SPAG16: variants seen among roughly 807,000 people sequenced by gnomAD.
SPAG16 encodes sperm-associated antigen 16 protein.
Under a neutral mutation model 80.4 loss-of-function variants are expected in SPAG16, and 86 were observed. The ratio of observed to expected loss-of-function variants is 1.07; its 90% CI spans 0.90 to 1.28. The LOEUF (loss-of-function observed/expected upper bound fraction) is 1.28, where lower values mean the gene tolerates loss of function less well. Ranked by LOEUF, SPAG16 falls within the 50% of genes most tolerant of loss-of-function variation. The pLI is 0.00. For missense variants in SPAG16, 870 were observed against 765.3 expected (o/e 1.14, Z -1.61); for synonymous variants, 294 against 265.9 (o/e 1.11, Z -1.03).
chr2:213,789,658 G>A (rs2070565821), intron 10 of SPAG16, among the ~76,000 whole-genome samples: 1 of 151,774 alleles, frequency 6.6e-6, no homozygotes, highest in South Asian at 2.1e-4. Context: ...ACGATGTAAT[G>A]GTTATTTTTG....
At chr2:214,043,957 C>G (rs1046504588) in intron 13 of SPAG16, among the ~76,000 whole-genome samples, 7 of 152,020 alleles carry the variant, frequency 4.6e-5, no homozygotes, top group Admixed American at 6.6e-5. Context: ...AGTTCTATAT[C>G]TATATACTGC....
At chr2:213,709,904 A>G (rs1243210817) in intron 10 of SPAG16, among the ~76,000 whole-genome samples, 1 of 152,170 alleles carries the variant, frequency 6.6e-6, no homozygotes, top group Non-Finnish European at 1.5e-5. Flanking sequence ...TTTTTAAAGA[A>G]AGTTTATTAT....
intron 13 of SPAG16, among the ~76,000 whole-genome samples, chr2:214,076,328 A>T (rs1270897152): frequency 6.6e-6 from 1 of 152,214 alleles, no homozygotes; most frequent in African/African-American, 2.4e-5. Flanking sequence ...GAAAGAAGGT[A>T]TCTAGGGATT....
At chr2:213,722,695 C>G (rs1447715074) in intron 10 of SPAG16, among the ~76,000 whole-genome samples, 19 of 152,170 alleles carry the variant, frequency 1.2e-4, no homozygotes, top group Non-Finnish European at 7.4e-5. Flanking sequence ...AAGTAAGATA[C>G]AAGACAGATA....
At chr2:214,259,530 GC>G (rs1159005290) in intron 15 of SPAG16, among the ~76,000 whole-genome samples, 4 of 107,516 alleles carry the variant, frequency 3.7e-5, no homozygotes, top group Non-Finnish European at 3.6e-5. Flanking sequence ...ATTGTCACCT[GC>G]CCCCCTCACC....
intron 12 of SPAG16, among the ~76,000 whole-genome samples, chr2:213,996,060 C>G (rs1462367896): frequency 2.0e-5 from 3 of 152,172 alleles, no homozygotes; most frequent in Non-Finnish European, 4.4e-5. Flanking sequence ...ACTTCTGACT[C>G]CAGGTAGTTT....
intron 7 of SPAG16, among the ~76,000 whole-genome samples, chr2:213,354,915 G>A (rs2065544167): frequency 6.6e-6 from 1 of 152,140 alleles, no homozygotes; most frequent in Non-Finnish European, 1.5e-5. Flanking sequence ...TGCTTTTGGT[G>A]TTTTAGTCAC....
At chr2:213,677,186 A>C (rs576922492) in intron 10 of SPAG16, among the ~76,000 whole-genome samples, 40 of 152,322 alleles carry the variant, frequency 2.6e-4, no homozygotes, top group South Asian at 6.2e-4. Context: ...GAGACCATCG[A>C]GACTAGGAAG....
At chr2:214,135,833 C>G (rs1318894998) in intron 14 of SPAG16, among the ~76,000 whole-genome samples, 3 of 152,122 alleles carry the variant, frequency 2.0e-5, no homozygotes, top group East Asian at 3.9e-4. Context: ...CAGCCTGAAG[C>G]CCTCACCAGA....
intron 12 of SPAG16, among the ~76,000 whole-genome samples, chr2:213,940,478 G>A (rs569281336): frequency 1.3e-5 from 2 of 151,974 alleles, no homozygotes; most frequent in African/African-American, 4.8e-5. Flanking sequence ...TTATTTTTTA[G>A]GAATAGCGTT....
At chr2:213,716,295 A>G (rs956674002) in intron 10 of SPAG16, among the ~76,000 whole-genome samples, 2 of 152,190 alleles carry the variant, frequency 1.3e-5, no homozygotes, top group Non-Finnish European at 2.9e-5. Context: ...CAGCTCCATC[A>G]CAGCATAGCT....
intron 9 of SPAG16, among the ~76,000 whole-genome samples, chr2:213,486,090 C>G (rs1353993277): frequency 6.6e-6 from 1 of 152,112 alleles, no homozygotes; most frequent in African/African-American, 2.4e-5. Flanking sequence ...GAATTATTCT[C>G]TTCTAGCTAT....
At chr2:213,833,995 G>A (rs1302699216) in intron 10 of SPAG16, among the ~76,000 whole-genome samples, 1 of 152,072 alleles carries the variant, frequency 6.6e-6, no homozygotes, top group Non-Finnish European at 1.5e-5. Context: ...GGCCCAGGGA[G>A]AGGAAATCGA....
intron 12 of SPAG16, among the ~76,000 whole-genome samples, chr2:213,944,674 G>A (rs1257777535): frequency 6.6e-6 from 1 of 152,088 alleles, no homozygotes; most frequent in Non-Finnish European, 1.5e-5. Context: ...ATGAATTGTG[G>A]GGGGCTGGGA....
At chr2:213,989,436 C>T (rs1575747416) in intron 12 of SPAG16, among the ~76,000 whole-genome samples, 1 of 152,032 alleles carries the variant, frequency 6.6e-6, no homozygotes, top group Admixed American at 6.6e-5. Context: ...TCACATGGTG[C>T]GTTATCATGG....
At chr2:213,452,917 G>T (rs555839383) in intron 9 of SPAG16, among the ~76,000 whole-genome samples, 7 of 152,170 alleles carry the variant, frequency 4.6e-5, no homozygotes, top group Non-Finnish European at 8.8e-5. Flanking sequence ...ACATGAAAAA[G>T]ATACCATGTA....
chr2:213,506,310 A>G (rs2074965551), intron 10 of SPAG16, among the ~76,000 whole-genome samples: 1 of 152,152 alleles, frequency 6.6e-6, no homozygotes, highest in South Asian at 2.1e-4. Context: ...TTCTTCTACT[A>G]GAGTATATGT....
intron 10 of SPAG16, among the ~76,000 whole-genome samples, chr2:213,661,055 G>T (rs2063408645): frequency 6.6e-6 from 1 of 152,104 alleles, no homozygotes; most frequent in South Asian, 2.1e-4. Context: ...GCCTGGTGTT[G>T]GGTCTGGTCA....
At chr2:214,320,554 G>C (rs1465717403) in intron 15 of SPAG16, among the ~76,000 whole-genome samples, 5 of 152,202 alleles carry the variant, frequency 3.3e-5, no homozygotes, top group Admixed American at 3.3e-4. Flanking sequence ...TCTCAGTTCA[G>C]CATGGCTGGG....
Sources: gnomAD v4.1 joint callset for allele counts (sites outside exome capture counted in the v4.1 genomes callset) on GRCh38, gnomAD v4.1.1 for gene constraint, MANE v1.5 for transcripts, NCBI Gene and HGNC (gene_info 2026-07-23, HGNC 2026-07-21) for gene names.